The following FGF12 variants were observed in gnomAD, a reference collection of about 807,000 sequenced individuals.
FGF12 encodes fibroblast growth factor 12B.
FGF12 carries 14 observed loss-of-function variants against 23.6 expected under a neutral mutation model. The observed-to-expected ratio is 0.59, with a 90% CI of 0.39 to 0.93. FGF12 has a LOEUF of 0.93. Ranked by LOEUF, FGF12 falls within the 40% of genes least tolerant of loss-of-function variation. The pLI is 0.00. For missense variants in FGF12, 175 were observed against 217.8 expected (o/e 0.80, Z 1.24); for synonymous variants, 62 against 77.3 (o/e 0.80, Z 1.04).
chr3:192,727,073 C>T (rs1719242079), intron 2 of FGF12, 108 bp downstream of exon 2: 2 of 1,367,446 alleles, frequency 1.5e-6, no homozygotes, highest in Non-Finnish European at 1.0e-6. Flanking sequence ...CCTCCTCTAT[C>T]GACCTAGTAT....
chr3:192,521,096 C>G (rs1259365902), intron 2 of FGF12, among the ~76,000 whole-genome samples: 4 of 152,160 alleles, frequency 2.6e-5, no homozygotes, highest in Non-Finnish European at 5.9e-5. Flanking sequence ...CTCCAGAAGG[C>G]TTGTATGAAT....
intron 4 of FGF12, among the ~76,000 whole-genome samples, chr3:192,237,006 A>G (rs1257087114): frequency 2.6e-5 from 4 of 152,072 alleles, no homozygotes; most frequent in Admixed American, 1.3e-4. Flanking sequence ...CTCTTTTAAG[A>G]ATCTCTTATA....
At chr3:192,393,149 T>C (rs1415523911) in intron 2 of FGF12, among the ~76,000 whole-genome samples, 1 of 152,218 alleles carries the variant, frequency 6.6e-6, no homozygotes, top group Non-Finnish European at 1.5e-5. Context: ...ATGTCATTGG[T>C]AAGGTGACTC....
At chr3:192,341,788 A>G (rs1437218214) in intron 3 of FGF12, among the ~76,000 whole-genome samples, 1 of 152,196 alleles carries the variant, frequency 6.6e-6, no homozygotes, top group African/African-American at 2.4e-5. Context: ...TCATTTTATT[A>G]TAAACTCAGT....
At chr3:192,269,819 G>A (rs567632692) in intron 4 of FGF12, among the ~76,000 whole-genome samples, 6 of 152,150 alleles carry the variant, frequency 3.9e-5, no homozygotes, top group South Asian at 2.1e-4. Flanking sequence ...ATACTACAAA[G>A]AATATCTTCA....
In FGF12 at chr3:192,493,582, TTC is replaced by T. The variant is rs1353771190; in HGVS notation, c.14-133046_14-133045del. On this transcript the variant is annotated intron_variant, in intron 2 of 5. Coordinates refer to ENST00000445105, the MANE Select transcript of FGF12 (RefSeq NM_004113.6). ...GAAAAGTGGTTTAATTGGCTCACAGTTCTACAGACTGTACAGGAAGCACGATG... is the reference window on the plus strand; with the variant it reads ...GAAAAGTGGTTTAATTGGCTCACAGTTACAGACTGTACAGGAAGCACGATG... Among the ~76,000 whole-genome samples, 2 of 152,156 alleles carry T rather than the reference TTC, an allele frequency of 1.3e-5. 1 individual carries two copies. The highest frequency in any genetic ancestry group is 4.1e-4 in the South Asian group (2 of 4,834).
chr3:192,484,512 G>C (rs540566744), intron 2 of FGF12, among the ~76,000 whole-genome samples: 4 of 152,086 alleles, frequency 2.6e-5, no homozygotes, highest in East Asian at 3.9e-4. Flanking sequence ...TTCTATTATT[G>C]ACATATTCAT....
chr3:192,663,975 C>T (rs1716763248), intron 2 of FGF12, among the ~76,000 whole-genome samples: 1 of 152,120 alleles, frequency 6.6e-6, no homozygotes, highest in Non-Finnish European at 1.5e-5. Flanking sequence ...ATAAGAAGCC[C>T]CTGAAGGACA....
At chr3:192,610,003 G>A (rs780241162) in intron 2 of FGF12, among the ~76,000 whole-genome samples, 1 of 152,060 alleles carries the variant, frequency 6.6e-6, no homozygotes, top group Non-Finnish European at 1.5e-5. Context: ...TGACTGGTCT[G>A]TGCTAGGACA....
At chr3:192,170,404 T>C in intron 5 of FGF12, 54 bp downstream of exon 5, 4 of 1,471,958 alleles carry the variant, frequency 2.7e-6, no homozygotes, top group South Asian at 1.2e-5. Context: ...AGAAGCAGAA[T>C]TGATGTCAAC....
intron 2 of FGF12, among the ~76,000 whole-genome samples, chr3:192,671,336 G>A (rs1560189248): frequency 1.3e-5 from 2 of 152,158 alleles, no homozygotes; most frequent in Non-Finnish European, 1.5e-5. Context: ...GAACAGTTGG[G>A]AAACTAGAGA....
chr3:192,557,893 A>C (rs557821992), intron 2 of FGF12, among the ~76,000 whole-genome samples: 12 of 152,006 alleles, frequency 7.9e-5, no homozygotes, highest in Admixed American at 1.3e-4. Context: ...AAACACTCAA[A>C]AAACTAGGAA....
chr3:192,166,440 T>C (rs889848736), intron 5 of FGF12, among the ~76,000 whole-genome samples: 3 of 152,226 alleles, frequency 2.0e-5, no homozygotes, highest in African/African-American at 4.8e-5. Flanking sequence ...TCCCACTATA[T>C]TGAAGTTACA....
chr3:192,481,722 T>G (rs1310478569), intron 2 of FGF12, among the ~76,000 whole-genome samples: 1 of 152,010 alleles, frequency 6.6e-6, no homozygotes, highest in Non-Finnish European at 1.5e-5. Context: ...GATGAAAGAG[T>G]TGTACCACTC....
At chr3:192,375,047 AC>A (rs1163076164) in intron 2 of FGF12, among the ~76,000 whole-genome samples, 1 of 152,166 alleles carries the variant, frequency 6.6e-6, no homozygotes, top group Non-Finnish European at 1.5e-5. Flanking sequence ...GTAAATATCC[AC>A]AAAAAGTACC....
chr3:192,258,539 G>C (rs1430987422), intron 4 of FGF12, among the ~76,000 whole-genome samples: 1 of 152,132 alleles, frequency 6.6e-6, no homozygotes, highest in Non-Finnish European at 1.5e-5. Context: ...CGTATTTAAA[G>C]CATAAGCAGT....
chr3:192,193,777 A>G (rs1207613359), intron 4 of FGF12, among the ~76,000 whole-genome samples: 21 of 151,352 alleles, frequency 1.4e-4, no homozygotes, highest in Admixed American at 1.4e-3. Flanking sequence ...TTTTTTTTTT[A>G]AGGATATTTT....
At chr3:192,686,877 G>A (rs1376935336) in intron 2 of FGF12, among the ~76,000 whole-genome samples, 1 of 129,924 alleles carries the variant, frequency 7.7e-6, no homozygotes, top group African/African-American at 3.0e-5. Context: ...CACACAGGCT[G>A]GAGTGCAGTG....
intron 4 of FGF12, among the ~76,000 whole-genome samples, chr3:192,335,037 G>T (rs575741988): frequency 3.3e-5 from 5 of 152,070 alleles, no homozygotes; most frequent in African/African-American, 4.8e-5. Context: ...ATGCTTAAAG[G>T]AGAGATAACA....
Sources: gnomAD v4.1 joint callset for allele counts (sites outside exome capture counted in the v4.1 genomes callset) on GRCh38, gnomAD v4.1.1 for gene constraint, MANE v1.5 for transcripts, NCBI Gene and HGNC (gene_info 2026-07-23, HGNC 2026-07-21) for gene names.